ARID1B: variants seen among roughly 807,000 people sequenced by gnomAD.
ARID1B encodes the protein AT-rich interactive domain-containing protein 1B.
ARID1B carries 30 observed loss-of-function variants against 212.3 expected under a neutral mutation model. The observed-to-expected ratio is 0.14, with a 90% confidence interval of 0.11 to 0.19. The LOEUF is 0.19. Ranked by LOEUF, ARID1B falls within the 10% of genes least tolerant of loss-of-function variation. The probability of loss-of-function intolerance (pLI) is 1.00; values close to 1 mark genes in which losing one functional copy is unlikely to be tolerated. For missense variants in ARID1B, 2,891 were observed against 3,204.0 expected, an observed-to-expected ratio of 0.90 and a Z score of 2.36; for synonymous variants, 1,402 against 1,301.7, an observed-to-expected ratio of 1.08 and a Z score of -1.66.
intron 8 of ARID1B, among the ~76,000 whole-genome samples, chr6:157,155,502 G>A (rs1241509080): frequency 6.6e-6 from 1 of 151,334 alleles, no homozygotes; most frequent in Non-Finnish European, 1.5e-5. Context: ...AGGGTAAAAT[G>A]AATTAATTTG....
intron 2 of ARID1B, among the ~76,000 whole-genome samples, chr6:156,881,659 T>A (rs1787107644): frequency 6.6e-6 from 1 of 152,218 alleles, no homozygotes; most frequent in Non-Finnish European, 1.5e-5. Context: ...CTGGTGGATC[T>A]CCAGTGTTCC....
At chr6:156,906,641 G>A (rs1452419275) in intron 3 of ARID1B, among the ~76,000 whole-genome samples, 1 of 150,896 alleles carries the variant, frequency 6.6e-6, no homozygotes, top group Admixed American at 6.6e-5. Flanking sequence ...GTGGCCTTGG[G>A]CACCTGTTGT....
chr6:157,075,247 G>A (rs1339730345), intron 4 of ARID1B, among the ~76,000 whole-genome samples: 1 of 152,122 alleles, frequency 6.6e-6, no homozygotes, highest in Admixed American at 6.5e-5. Context: ...TTTGACTTTT[G>A]CGGGAGTACT....
chr6:156,917,286 A>G (rs1373543457), intron 3 of ARID1B, among the ~76,000 whole-genome samples: 1 of 152,212 alleles, frequency 6.6e-6, no homozygotes, highest in Non-Finnish European at 1.5e-5. Context: ...ATGAAAGTGT[A>G]CTTATTTACC....
chr6:156,846,859 C>A (rs1039538055), intron 2 of ARID1B, among the ~76,000 whole-genome samples: 1 of 152,140 alleles, frequency 6.6e-6, no homozygotes, highest in Admixed American at 6.5e-5. Context: ...CCCAGCCCCC[C>A]GCCACCCTCT....
chr6:157,184,852 C>G lies in ARID1B; in HGVS notation c.3919+417C>G, dbSNP rs111934969. On this transcript the variant is annotated intron_variant, in intron 13 of 19. Transcript: ENST00000636930. The stretch of plus-strand genomic sequence containing the variant: ...ACAGGTTCGACAGCTCGAGCTCCCC[C>G]GCCCTCTTTCGGAAATCCTCAGATT... 1,071 of 199,790 alleles carry G rather than the reference C, an allele frequency of 5.4e-3. 10 individuals are homozygous for G. Among genetic ancestry groups the G allele is most frequent in the African/African-American group, 0.024 (1,018 of 42,202 alleles). 12.4% of individuals were successfully genotyped at this position (199,790 alleles called of 1,614,324 possible).
intron 8 of ARID1B, among the ~76,000 whole-genome samples, chr6:157,163,359 T>C (rs1259134700): frequency 6.6e-6 from 1 of 152,162 alleles, no homozygotes; most frequent in African/African-American, 2.4e-5. Flanking sequence ...CTGGGTTAGT[T>C]AGGGCGGCAG....
chr6:157,144,498 A>G (rs955047468), intron 7 of ARID1B, among the ~76,000 whole-genome samples: 2 of 152,236 alleles, frequency 1.3e-5, no homozygotes, highest in East Asian at 1.9e-4. Context: ...CATTCAAACT[A>G]TGAATGAGTA....
At chr6:156,947,381 G>A (rs1284114451) in intron 4 of ARID1B, among the ~76,000 whole-genome samples, 1 of 152,092 alleles carries the variant, frequency 6.6e-6, no homozygotes, top group Non-Finnish European at 1.5e-5. Flanking sequence ...ACTTTTTGGG[G>A]ATATAGGTAT....
chr6:156,953,161 A>G (rs1239048281), intron 4 of ARID1B, among the ~76,000 whole-genome samples: 1 of 152,186 alleles, frequency 6.6e-6, no homozygotes, highest in Non-Finnish European at 1.5e-5. Context: ...TCCCCTTCAC[A>G]GGGCTTTAAA....
At chr6:157,097,483 G>A (rs1174398793) in intron 5 of ARID1B, among the ~76,000 whole-genome samples, 2 of 151,288 alleles carry the variant, frequency 1.3e-5, no homozygotes, top group South Asian at 2.1e-4. Flanking sequence ...CACAGCAAGC[G>A]CTCACGTGCT....
Position 156,778,652 on chromosome 6 carries a change from C to A in ARID1B, c.972C>A (p.Ser324Arg). The change falls in exon 1 of 20, where the codon AGC becomes AGA. Residue 324 changes from serine (S) to arginine (R), a missense_variant. By Grantham distance (110) the Ser-to-Arg change is moderately radical. Around this residue, in one of 7 missense-constraint regions of ARID1B, gnomAD observed 1,643 missense variants for 1,544.0 expected, o/e 1.06. Coordinates refer to ENST00000636930, the MANE Select transcript of ARID1B (RefSeq NM_001374828.1). ...ACTATGGCAGCGCTGCCCCTGCGAG[C>A]GGCGGCCCCGGCGGCCGCGCTGGGC... ...NNYYGSAAPA[S>R]GGPGGRAGPC... 1 of 1,476,938 alleles carries A rather than the reference C, an allele frequency of 6.8e-7. No individual in the cohort carries two copies. The highest frequency in any genetic ancestry group is 9.0e-7 in the Non-Finnish European group (1 of 1,111,492). 91.5% of individuals were successfully genotyped at this position (1,476,938 alleles called of 1,614,324 possible).
Position 156,921,561 on chromosome 6 carries a change from C to A in ARID1B, c.2137-13905C>A, listed in dbSNP as rs1790803364. Reference sequence around the variant, plus strand: ...TCTTGGAGAAGGGGGATGCCTGTGGCCTGTCTACTTTCGTAGAAGATTGGT... The same window carrying A: ...TCTTGGAGAAGGGGGATGCCTGTGGACTGTCTACTTTCGTAGAAGATTGGT... On this transcript the variant is annotated intron_variant, in intron 3 of 19. Coordinates refer to ENST00000636930, the MANE Select transcript of ARID1B (RefSeq NM_001374828.1). Among the ~76,000 whole-genome samples the A allele has an allele frequency of 2.6e-5, 4 of 151,658 alleles. No homozygotes were observed. In the South Asian group the frequency reaches 8.3e-4, roughly 32 times the overall value.
intron 1 of ARID1B, among the ~76,000 whole-genome samples, chr6:156,807,153 AC>A (rs1554253714): frequency 7.8e-6 from 1 of 128,782 alleles, no homozygotes; most frequent in Non-Finnish European, 1.7e-5. Context: ...CCCACGCCCC[AC>A]CCAGTGAAGC....
intron 1 of ARID1B, among the ~76,000 whole-genome samples, chr6:156,794,570 C>CTTT (rs34848808): frequency 1.5e-5 from 1 of 67,970 alleles, no homozygotes. Flanking sequence ...CTGGCACATT[C>CTTT]TTTTTTTTTT....
rs1780399749 is a variant in ARID1B, at chr6:156,796,630, A to AT, written c.1791+17160dup. On this transcript the variant is annotated intron_variant, in intron 1 of 19. Coordinates refer to ENST00000636930, the MANE Select transcript of ARID1B (RefSeq NM_001374828.1). ...AAGCAGCTGAGAAAGCCCTAATAAA[A>AT]TAACTGTCAGAATGCTCATGAGCTT... is the stretch of plus-strand genomic sequence containing the variant. Among the ~76,000 whole-genome samples the AT allele has an allele frequency of 2.0e-5, 3 of 152,200 alleles. No homozygotes were observed. The South Asian group carries it at 6.2e-4, about 31-fold the overall frequency.
At chr6:157,169,741 A>G (rs1386884423) in intron 9 of ARID1B, 1 of 152,142 alleles carries the variant, frequency 6.6e-6, no homozygotes, top group Admixed American at 6.5e-5. Flanking sequence ...AATTCCAAAA[A>G]CTTTATCTCC....
At chr6:156,790,502 G>A (rs952180116) in intron 1 of ARID1B, among the ~76,000 whole-genome samples, 16 of 152,022 alleles carry the variant, frequency 1.1e-4, no homozygotes, top group African/African-American at 3.6e-4. Flanking sequence ...GAAGGAAATG[G>A]GTGTCTGGCA....
intron 1 of ARID1B, among the ~76,000 whole-genome samples, chr6:156,796,211 T>C (rs940694241): frequency 6.6e-6 from 1 of 152,220 alleles, no homozygotes; most frequent in African/African-American, 2.4e-5. Flanking sequence ...GCTTTATTGT[T>C]TATGGTAATG....
Sources: allele counts gnomAD v4.1 joint callset (sites outside exome capture counted in the v4.1 genomes callset), GRCh38; gene constraint gnomAD v4.1.1; regional missense constraint gnomAD v4.1.1; transcripts MANE v1.5; gene names NCBI Gene and HGNC (gene_info 2026-07-23, HGNC 2026-07-21).